The following FILIP1L variants were observed in gnomAD, a reference collection of about 807,000 sequenced individuals.
FILIP1L encodes filamin A-interacting protein 1-like.
FILIP1L carries 55 observed loss-of-function variants against 96.6 expected under a neutral mutation model. The ratio of observed to expected loss-of-function variants is 0.57; its 90% CI spans 0.46 to 0.71. FILIP1L has a LOEUF of 0.71. FILIP1L is among the 30% of genes least tolerant of loss of function. The pLI, the probability that FILIP1L is intolerant of heterozygous loss-of-function variation, is 0.00. For synonymous variants in FILIP1L, 467 were observed against 473.9 expected (o/e 0.99, Z 0.19); for missense variants, 1,304 against 1,321.2 (o/e 0.99, Z 0.20).
chr3:100,007,487 T>C (rs1710020871), intron 1 of FILIP1L, among the ~76,000 whole-genome samples: 1 of 151,986 alleles, frequency 6.6e-6, no homozygotes, highest in South Asian at 2.1e-4. Flanking sequence ...AGAAATCAAA[T>C]CATGAAAGAT....
intron 5 of FILIP1L, among the ~76,000 whole-genome samples, chr3:99,846,822 T>C (rs947753494): frequency 6.6e-6 from 1 of 152,206 alleles, no homozygotes; most frequent in Admixed American, 6.5e-5. Flanking sequence ...GTATTTAAAA[T>C]CAATAACTGG....
chr3:100,102,267 T>G (rs1013153636), intron 1 of FILIP1L, among the ~76,000 whole-genome samples: 2 of 152,250 alleles, frequency 1.3e-5, no homozygotes, highest in African/African-American at 4.8e-5. Context: ...TTTCTCCACA[T>G]CCTCTCCAGC....
chr3:99,900,684 C>A (rs192383537), intron 4 of FILIP1L, among the ~76,000 whole-genome samples: 8 of 152,184 alleles, frequency 5.3e-5, no homozygotes, highest in African/African-American at 1.9e-4. Flanking sequence ...TGTAATCTTC[C>A]CTCTTTCTTC....
chr3:99,855,325 G>T (rs919888994), intron 4 of FILIP1L, among the ~76,000 whole-genome samples: 50 of 152,086 alleles, frequency 3.3e-4, no homozygotes, highest in African/African-American at 1.1e-3. Flanking sequence ...TGCAAAAAGG[G>T]CGTTAAATGA....
rs745474780 is a variant in FILIP1L at position 99,848,777 on chromosome 3, T to C, written c.2899A>G (p.Met967Val). The C allele has an allele frequency of 1.2e-6, 2 of 1,614,152 alleles. No individual in the cohort carries two copies. Among genetic ancestry groups the C allele is most frequent in the East Asian group, 2.2e-5 (1 of 44,886 alleles). ...GGGGACATGCCTTGTTCTAAATTCA[T>C]GAGGTCTTCGGTAGAGGTTTTGGAC... ...VKSKTSTEDL[M>V]NLEQGMSPIT... Residue 967 changes from methionine to valine, a missense_variant, in exon 5 of 6, where the codon ATG (methionine) becomes GTG (valine). Physicochemically the swap from Met to Val is conservative, Grantham distance 21 (BLOSUM62 1). Coordinates refer to ENST00000477258, the MANE Select transcript of FILIP1L (RefSeq NM_001387850.1).
chr3:99,892,403 G>C (rs1305897588), intron 4 of FILIP1L, among the ~76,000 whole-genome samples: 3 of 152,128 alleles, frequency 2.0e-5, no homozygotes, highest in Non-Finnish European at 4.4e-5. Context: ...CTTTGTCTAG[G>C]AAGTGTCCAG....
chr3:99,854,842 AT>A (rs748752970), intron 4 of FILIP1L, among the ~76,000 whole-genome samples: 7 of 152,308 alleles, frequency 4.6e-5, no homozygotes, highest in Non-Finnish European at 1.0e-4. Flanking sequence ...CCTGAATTAC[AT>A]GTACACCTGG....
At chr3:100,057,664 G>A (rs1398426080) in intron 1 of FILIP1L, among the ~76,000 whole-genome samples, 4 of 152,124 alleles carry the variant, frequency 2.6e-5, no homozygotes, top group Admixed American at 2.6e-4. Context: ...GCCCCATATG[G>A]GACAGTTGGT....
At chr3:100,063,671 C>T (rs959558133) in intron 1 of FILIP1L, among the ~76,000 whole-genome samples, 1 of 152,116 alleles carries the variant, frequency 6.6e-6, no homozygotes, top group Non-Finnish European at 1.5e-5. Context: ...TTAAATACCA[C>T]TTTTTAACTG....
chr3:100,052,854 T>C (rs973946982), intron 1 of FILIP1L, among the ~76,000 whole-genome samples: 3 of 152,234 alleles, frequency 2.0e-5, no homozygotes, highest in Admixed American at 6.5e-5. Context: ...TTTTTAAATA[T>C]GTAAATATCC....
chr3:99,844,180 C>G (rs917540261), intron 5 of FILIP1L, among the ~76,000 whole-genome samples: 1 of 152,148 alleles, frequency 6.6e-6, no homozygotes, highest in Non-Finnish European at 1.5e-5. Flanking sequence ...AGAAAAAGAT[C>G]AAAATTTGAA....
intron 1 of FILIP1L, among the ~76,000 whole-genome samples, chr3:100,068,462 T>C (rs2065705253): frequency 6.6e-6 from 1 of 152,188 alleles, no homozygotes; most frequent in Non-Finnish European, 1.5e-5. Flanking sequence ...CAAGTCTATC[T>C]AGATTCTTTA....
chr3:100,071,035 A>G (rs1020932228), intron 1 of FILIP1L, among the ~76,000 whole-genome samples: 2 of 149,026 alleles, frequency 1.3e-5, no homozygotes, highest in African/African-American at 4.9e-5. Flanking sequence ...AAAATAAGCC[A>G]AGTTCTTTTT....
chr3:99,849,799 T>C lies in FILIP1L; in HGVS notation c.1877A>G (p.Lys626Arg). The C allele has an allele frequency of 6.2e-7, 1 of 1,613,262 alleles. No homozygotes were observed. The highest frequency in any genetic ancestry group is 8.5e-7 in the Non-Finnish European group (1 of 1,179,928). ...TCTTTCCACTTCTTGAGAGAGCTCC[T>C]TAATCTTATTGTTTTCTTGGTGTAA... is the stretch of plus-strand genomic sequence containing the variant. The part of the protein sequence containing the change: ...TALHQENNKI[K>R]ELSQEVERLK... The change falls in exon 5 of 6, where the codon AAG (lysine) becomes AGG (arginine). Residue 626 changes from lysine (K) to arginine (R), a missense_variant. Physicochemically the swap from Lys to Arg is conservative, Grantham distance 26. Coordinates refer to ENST00000477258, the MANE Select transcript of FILIP1L (RefSeq NM_001387850.1).
chr3:99,837,159 T>C (rs1942934602), intron 5 of FILIP1L, among the ~76,000 whole-genome samples: 1 of 152,166 alleles, frequency 6.6e-6, no homozygotes, highest in South Asian at 2.1e-4. Flanking sequence ...ATGAAATAAA[T>C]GGGCTGCTTA....
chr3:99,991,898 ATATATATACATATATAGG>A (rs1480739824), intron 1 of FILIP1L, among the ~76,000 whole-genome samples: 99 of 148,896 alleles, frequency 6.6e-4, no homozygotes, highest in African/African-American at 2.3e-3. Flanking sequence ...ATATGTGTGT[ATATATATACATATATAGG>A]TATATATACA....
chr3:100,010,099 C>T, intron 1 of FILIP1L: 2 of 836,562 alleles, frequency 2.4e-6, no homozygotes, highest in Non-Finnish European at 2.9e-6. Flanking sequence ...ACCAAGTTCT[C>T]ACTTTTTTCT....
intron 1 of FILIP1L, among the ~76,000 whole-genome samples, chr3:100,028,220 C>G (rs2064962499): frequency 6.6e-6 from 1 of 152,172 alleles, no homozygotes; most frequent in Non-Finnish European, 1.5e-5. Context: ...CCCAGTTTTG[C>G]AGATGAGGAA....
In FILIP1L at chr3:99,924,382, T is replaced by C; in HGVS notation, c.453A>G (p.Lys151=). The stretch of plus-strand genomic sequence containing the variant: ...GTCCCAGGATTCGTCTGTAAGATTC[T>C]TTATGTTTTTCCACAACTTTGTCCA... ...NELDKVVEKH[K]ESYRRILGQL... is the part of the protein sequence containing the mutation. The change falls in exon 4 of 6, where the codon AAA becomes AAG. Residue 151 remains lysine (K), a synonymous_variant. Transcript: ENST00000477258. 6.2e-7 allele frequency: 1 copy of C among 1,614,076 alleles called. No individual in the cohort carries two copies. Among genetic ancestry groups the C allele is most frequent in the Non-Finnish European group, 8.5e-7 (1 of 1,180,002 alleles).
Sources: gnomAD v4.1 joint callset for allele counts (sites outside exome capture counted in the v4.1 genomes callset) on GRCh38, gnomAD v4.1.1 for gene constraint, MANE v1.5 for transcripts, NCBI Gene and HGNC (gene_info 2026-07-23, HGNC 2026-07-21) for gene names.